SMARCC1: variants seen among roughly 807,000 people sequenced by gnomAD.
The protein encoded by SMARCC1 is SWI/SNF related BAF chromatin remodeling complex subunit C1.
In SMARCC1, 43 loss-of-function variants were observed where a neutral mutation model predicts 147.4. The observed-to-expected ratio is 0.29, with a 90% CI of 0.23 to 0.38. The LOEUF (loss-of-function observed/expected upper bound fraction) is 0.38. Among genes scored for constraint, SMARCC1 ranks in the 10% least tolerant of loss-of-function variants. The pLI is 1.00. For synonymous variants in SMARCC1, 495 were observed against 484.4 expected (o/e 1.02, Z -0.29); for missense variants, 1,119 against 1,381.1 (o/e 0.81, Z 3.01).
In SMARCC1 at chr3:47,748,217, CTTT is replaced by C. The variant is rs2034588249; in HGVS notation, c.316-2227_316-2225del. On this transcript the variant is annotated intron_variant, in intron 2 of 27. Transcript: ENST00000254480. ...ATTGTAAGTGAACACTTTTATTATA[CTTT>C]TTTATCTTTTTGAAACAGGGTCTCA... Among the ~76,000 whole-genome samples, 4 of 152,066 alleles carry C rather than the reference CTTT, an allele frequency of 2.6e-5. No homozygotes were observed. The South Asian group carries it at 8.3e-4, about 32-fold the overall frequency.
In SMARCC1 at chr3:47,706,460, G is replaced by A. The variant is rs200399115; in HGVS notation, c.989C>T (p.Ser330Leu). Residue 330 changes from serine to leucine, a missense_variant, in exon 10 of 28, where the codon TCG becomes TTG. Ser to Leu is a moderately radical substitution (Grantham distance 145, BLOSUM62 -2). Transcript: ENST00000254480. ...ANARKRKHSP[S>L]PPPPTPTESR... Reference sequence around the variant, plus strand: ...TTCTGTTGGTGTCGGAGGGGGAGGCGAAGGCGAATGTTTCCTCTTTCGAGC... The same window carrying A: ...TTCTGTTGGTGTCGGAGGGGGAGGCAAAGGCGAATGTTTCCTCTTTCGAGC... 3.8e-6 allele frequency: 6 copies of A among 1,577,492 alleles called. No homozygotes were observed. Among genetic ancestry groups the A allele is most frequent in the Non-Finnish European group, 5.1e-6 (6 of 1,165,866 alleles).
At chr3:47,747,938 A>G (rs1315365739) in intron 2 of SMARCC1, among the ~76,000 whole-genome samples, 4 of 151,964 alleles carry the variant, frequency 2.6e-5, no homozygotes, top group Non-Finnish European at 5.9e-5. Context: ...CGGGTGGATC[A>G]TGTGAGGTGA....
intron 21 of SMARCC1, among the ~76,000 whole-genome samples, chr3:47,649,005 G>A (rs2033153932): frequency 6.6e-6 from 1 of 152,102 alleles, no homozygotes; most frequent in Admixed American, 6.5e-5. Flanking sequence ...TAATAAATAT[G>A]AGACATCAGG....
In SMARCC1 at chr3:47,609,300, T is replaced by A. The variant is rs1356426636; in HGVS notation, c.3043+766A>T. Among the ~76,000 whole-genome samples, 3 of 151,978 alleles carry A rather than the reference T, an allele frequency of 2.0e-5. No homozygotes were observed. The East Asian group carries it at 5.8e-4, about 29-fold the overall frequency. ...TCACGAGGTCAGGAGATCGAGACCA[T>A]CCTGGCGAACACGGTGAAACCCCGT... On this transcript the variant is annotated intron_variant, in intron 26 of 27. Transcript: ENST00000254480.
At chr3:47,750,745 T>C (rs1312058925) in intron 2 of SMARCC1, among the ~76,000 whole-genome samples, 2 of 152,150 alleles carry the variant, frequency 1.3e-5, no homozygotes, top group African/African-American at 4.8e-5. Context: ...TTCAACTATA[T>C]TGACACCACT....
intron 15 of SMARCC1, 111 bp downstream of exon 15, chr3:47,680,326 A>G (rs1321542189): frequency 1.3e-6 from 1 of 753,442 alleles, no homozygotes; most frequent in East Asian, 2.5e-5. Context: ...CTGTTCTGAA[A>G]GGAGTATTTG....
At chr3:47,723,774 C>T (rs1276344084) in intron 6 of SMARCC1, among the ~76,000 whole-genome samples, 1 of 151,886 alleles carries the variant, frequency 6.6e-6, no homozygotes, top group Non-Finnish European at 1.5e-5. Context: ...CACACCACTG[C>T]ACTTTAGGCC....
At chr3:47,635,873 A>G in intron 23 of SMARCC1, 149 bp downstream of exon 23, 1 of 569,790 alleles carries the variant, frequency 1.8e-6, no homozygotes, top group East Asian at 2.9e-5. Flanking sequence ...ATTAGCACCT[A>G]TCTGAATGAA....
intron 10 of SMARCC1, among the ~76,000 whole-genome samples, chr3:47,703,790 C>A (rs1576416575): frequency 6.6e-6 from 1 of 151,938 alleles, no homozygotes; most frequent in African/African-American, 2.4e-5. Flanking sequence ...ATAAAAATCG[C>A]ATGATGAGTT....
Position 47,588,053 on chromosome 3 carries a change from A to C in SMARCC1, c.*156T>G. The C allele has an allele frequency of 1.6e-6, 1 of 607,170 alleles. No individual in the cohort carries two copies. Among genetic ancestry groups the C allele is most frequent in the East Asian group, 2.9e-5 (1 of 34,764 alleles). The allele number at this position is 607,170 out of a possible 1,614,324, so 37.6% of individuals were successfully genotyped here. ...ACCCAACACAAAAAGTGTCAGAGAGAGGGGTGGTAAGAGGAGTGGGGAGGC... is the reference window on the plus strand; with the variant it reads ...ACCCAACACAAAAAGTGTCAGAGAGCGGGGTGGTAAGAGGAGTGGGGAGGC... On this transcript the variant is annotated 3_prime_UTR_variant, in exon 28 of 28. Coordinates refer to ENST00000254480, the MANE Select transcript of SMARCC1 (RefSeq NM_003074.4).
intron 10 of SMARCC1, among the ~76,000 whole-genome samples, chr3:47,703,809 G>C (rs2033956161): frequency 6.6e-6 from 1 of 151,976 alleles, no homozygotes; most frequent in African/African-American, 2.4e-5. Context: ...TTTTGTTTTT[G>C]TTTTTGAGAT....
chr3:47,697,355 C>T (rs2033866409), intron 11 of SMARCC1, among the ~76,000 whole-genome samples: 3 of 151,090 alleles, frequency 2.0e-5, no homozygotes, highest in Non-Finnish European at 4.4e-5. Flanking sequence ...GGCTGGAGTG[C>T]CCTGGCGTGA....
chr3:47,774,031 C>A (rs1042974906), intron 1 of SMARCC1, among the ~76,000 whole-genome samples: 1 of 151,354 alleles, frequency 6.6e-6, no homozygotes, highest in Non-Finnish European at 1.5e-5. Flanking sequence ...TTTTTTTTGC[C>A]GGAGCTAACT....
At chr3:47,729,864 C>A (rs1179626882) in intron 5 of SMARCC1, among the ~76,000 whole-genome samples, 1 of 152,140 alleles carries the variant, frequency 6.6e-6, no homozygotes, top group Non-Finnish European at 1.5e-5. Flanking sequence ...ATTAGTTGCA[C>A]AAATTTAGTT....
intron 12 of SMARCC1, 86 bp downstream of exon 12, chr3:47,693,155 C>T (rs1015289110): frequency 4.7e-6 from 4 of 850,966 alleles, no homozygotes; most frequent in African/African-American, 1.7e-5. Context: ...ACCAACAGAA[C>T]AAGACCTTGG....
rs532402390 is a variant in SMARCC1, at chr3:47,673,646, G to A, written c.1839+1829C>T. Among the ~76,000 whole-genome samples the A allele has an allele frequency of 3.9e-5, 6 of 152,232 alleles. No individual in the cohort carries two copies. The South Asian group carries it at 1.0e-3, about 26-fold the overall frequency. ...GGAGGTTGCAGTGAGCCAACATCGC[G>A]CCACTTCACTCCAGCCTGGGAGAAA... On this transcript the variant is annotated intron_variant, in intron 18 of 27. Transcript: ENST00000254480.
At chr3:47,706,317 C>G in intron 10 of SMARCC1, 92 bp downstream of exon 10, 6 of 1,234,264 alleles carry the variant, frequency 4.9e-6, no homozygotes, top group Non-Finnish European at 6.4e-6. Flanking sequence ...GTTGATCTGC[C>G]CACCTCAGCC....
intron 6 of SMARCC1, among the ~76,000 whole-genome samples, chr3:47,728,261 T>C: frequency 6.6e-6 from 1 of 150,580 alleles, no homozygotes; most frequent in East Asian, 2.0e-4. Flanking sequence ...TAATTTTTGG[T>C]ATTTTTAGTA....
At chr3:47,610,942 G>A (rs1490792797) in intron 25 of SMARCC1, 1 of 152,756 alleles carries the variant, frequency 6.5e-6, no homozygotes, top group African/African-American at 2.4e-5. Context: ...ATTATACTTG[G>A]TGACACATTC....
Sources: gnomAD v4.1 joint callset for allele counts (sites outside exome capture counted in the v4.1 genomes callset) on GRCh38, gnomAD v4.1.1 for gene constraint, MANE v1.5 for transcripts, NCBI Gene and HGNC (gene_info 2026-07-23, HGNC 2026-07-21) for gene names.